Variants in POU6F1 observed in about 807,000 individuals in gnomAD.
POU6F1 encodes POU class 6 homeobox 1.
In POU6F1, 9 loss-of-function variants were observed where a neutral mutation model predicts 28.9. The ratio of observed to expected loss-of-function variants is 0.31; its 90% CI spans 0.19 to 0.54. POU6F1 has a LOEUF of 0.54. Ranked by LOEUF, POU6F1 falls within the 20% of genes least tolerant of loss-of-function variation. The pLI, the probability that POU6F1 is intolerant of heterozygous loss-of-function variation, is 0.94. For synonymous variants in POU6F1, 173 were observed against 171.1 expected (o/e 1.01, Z -0.09); for missense variants, 338 against 426.1 (o/e 0.79, Z 1.82).
At chr12:51,206,320 G>C (rs1943613270) in intron 2 of POU6F1, among the ~76,000 whole-genome samples, 1 of 151,226 alleles carries the variant, frequency 6.6e-6, no homozygotes. Flanking sequence ...CTACTCGGGA[G>C]GCTGAGGCAG....
chr12:51,190,818 C>G lies in POU6F1; in HGVS notation c.1491-226G>C, dbSNP rs1942357059. 6.6e-6 allele frequency among the ~76,000 whole-genome samples: 1 copy of G among 152,166 alleles called. No individual in the cohort carries two copies. Among genetic ancestry groups the G allele is most frequent in the Admixed American group, 6.6e-5 (1 of 15,264 alleles). On this transcript the variant is annotated intron_variant, in intron 10 of 10. Transcript: ENST00000333640. The surrounding 1 kb of genome is among the most constrained non-coding windows in gnomAD (Gnocchi z 4.5). ...CCGGTCCTAACAGGGAAACCATTCC[C>G]ACGGCCTCGGCTCAGTCAGTAGTGG... is the stretch of plus-strand genomic sequence containing the variant.
chr12:51,198,402 C>T (rs2137136489), intron 5 of POU6F1, 148 bp downstream of exon 5: 1 of 397,760 alleles, frequency 2.5e-6, no homozygotes, highest in Non-Finnish European at 4.4e-6. Context: ...AGCAGCTCTG[C>T]GGCCGGATGC....
chr12:51,196,341 C>G (rs1176722463), intron 7 of POU6F1, among the ~76,000 whole-genome samples, 168 bp from the exon 8 acceptor site: 5 of 152,230 alleles, frequency 3.3e-5, no homozygotes, highest in Non-Finnish European at 7.3e-5. Flanking sequence ...CTAAGGGCTA[C>G]TTCCTTTATT....
In POU6F1 at chr12:51,189,849, A is replaced by G. The variant is rs1942275324; in HGVS notation, c.*398T>C. The G allele has an allele frequency of 4.6e-6, 1 of 217,642 alleles. No homozygotes were observed. Among genetic ancestry groups the G allele is most frequent in the South Asian group, 8.3e-5 (1 of 12,014 alleles). The allele number at this position is 217,642 out of a possible 1,614,324, so 13.5% of individuals were successfully genotyped here. A position where few individuals can be genotyped will look rare whatever the true frequency, so the allele number is the denominator to read the frequency against. ...AGGAGCAAAGGAGAAGACAAGGTGG[A>G]AAGAGAATGCCATCAAAAGCAAGAG... On this transcript the variant is annotated 3_prime_UTR_variant, in exon 11 of 11. Coordinates refer to ENST00000333640, the MANE Select transcript of POU6F1 (RefSeq NM_001330422.2).
intron 1 of POU6F1, among the ~76,000 whole-genome samples, chr12:51,208,650 G>C (rs921075362): frequency 6.6e-6 from 1 of 152,144 alleles, no homozygotes; most frequent in Non-Finnish European, 1.5e-5. Flanking sequence ...TTAGGAATGG[G>C]ATTAGTGCCC....
At chr12:51,196,980 G>T (rs1256326424) in intron 6 of POU6F1, 53 bp from the exon 7 acceptor site, 1 of 1,066,974 alleles carries the variant, frequency 9.4e-7, no homozygotes, top group Non-Finnish European at 1.4e-6. Flanking sequence ...GAAGAACCCC[G>T]GGCAGAGGGA....
rs1265620545 is a variant in POU6F1 at position 51,197,990 on chromosome 12, G to A, written c.626C>T (p.Pro209Leu). 1.5e-5 allele frequency: 6 copies of A among 399,838 alleles called. No homozygotes were observed. The highest frequency in any genetic ancestry group is 4.1e-5 in the African/African-American group (2 of 48,622). The allele number at this position is 399,838 out of a possible 1,614,324, so 24.8% of individuals were successfully genotyped here. A position where few individuals can be genotyped will look rare whatever the true frequency, so the allele number is the denominator to read the frequency against. ...AAVLNTALPA[P>L]VQAAAPVQAS... Reference sequence around the variant, plus strand: ...CTGTACTGGTGCGGCAGCTTGTACCGGTGCCGGAAGAGCGGTGTTCAGCAC... The same window carrying A: ...CTGTACTGGTGCGGCAGCTTGTACCAGTGCCGGAAGAGCGGTGTTCAGCAC... The change falls in exon 6 of 11, where the codon CCG becomes CTG. Residue 209 changes from proline (P) to leucine (L), a missense_variant. Coordinates refer to ENST00000333640, the MANE Select transcript of POU6F1 (RefSeq NM_001330422.2).
intron 2 of POU6F1, among the ~76,000 whole-genome samples, chr12:51,204,679 T>C (rs373211292): frequency 1.3e-5 from 2 of 152,202 alleles, no homozygotes; most frequent in African/African-American, 4.8e-5. Context: ...TTGGACTCAG[T>C]GCAGGGAGCG....
chr12:51,203,669 C>T (rs1374291039), intron 3 of POU6F1, among the ~76,000 whole-genome samples: 4 of 152,062 alleles, frequency 2.6e-5, no homozygotes, highest in Non-Finnish European at 5.9e-5. Context: ...TCTTGGCCCA[C>T]CCCCACCAGT....
chr12:51,190,999 G>T lies in POU6F1; in HGVS notation c.1491-407C>A, dbSNP rs989545261. On this transcript the variant is annotated intron_variant, in intron 10 of 10. Coordinates refer to ENST00000333640, the MANE Select transcript of POU6F1 (RefSeq NM_001330422.2). This position sits in a 1 kb window ranked among gnomAD's most constrained non-coding sequence, Gnocchi z 4.5. ...GCTGCTCTTTCTGGCTGAGCTGGAT[G>T]TGGTGACAGGATTCTCCACAGGATG... Among the ~76,000 whole-genome samples, 2 of 152,214 alleles carry T rather than the reference G, an allele frequency of 1.3e-5. No individual in the cohort carries two copies. Among genetic ancestry groups the T allele is most frequent in the African/African-American group, 4.8e-5 (2 of 41,442 alleles).
At chr12:51,193,464 T>C (rs1412947551) in intron 8 of POU6F1, among the ~76,000 whole-genome samples, 1 of 152,096 alleles carries the variant, frequency 6.6e-6, no homozygotes, top group Non-Finnish European at 1.5e-5. Context: ...TAATCCCGGC[T>C]ACTGGGGAGG....
intron 8 of POU6F1, among the ~76,000 whole-genome samples, chr12:51,192,971 A>G (rs1942540771): frequency 6.6e-6 from 1 of 151,988 alleles, no homozygotes; most frequent in Non-Finnish European, 1.5e-5. Context: ...TGACTGAATT[A>G]TACTAAATAA....
At chr12:51,195,256 C>G (rs1224660679) in intron 8 of POU6F1, among the ~76,000 whole-genome samples, 3 of 152,190 alleles carry the variant, frequency 2.0e-5, no homozygotes, top group Admixed American at 2.0e-4. Flanking sequence ...GCCTTAGCCT[C>G]CTGAGTAGCT....
chr12:51,192,246 C>T (rs1367861116), intron 9 of POU6F1, 84 bp downstream of exon 9: 3 of 1,525,270 alleles, frequency 2.0e-6, no homozygotes, highest in Non-Finnish European at 2.7e-6. Flanking sequence ...CCCAGGATAT[C>T]AAGGAAAGCA....
chr12:51,196,601 T>C (rs553585726), intron 7 of POU6F1, among the ~76,000 whole-genome samples, 198 bp downstream of exon 7: 16 of 152,346 alleles, frequency 1.1e-4, no homozygotes, highest in African/African-American at 3.6e-4. Flanking sequence ...TCCCACGTAA[T>C]GTGAGCACCT....
At chr12:51,215,082 T>C (rs1272068724) in intron 1 of POU6F1, among the ~76,000 whole-genome samples, 4 of 152,144 alleles carry the variant, frequency 2.6e-5, no homozygotes, top group Non-Finnish European at 4.4e-5. Context: ...CCTAAGATAA[T>C]ATCTGGTATA....
rs1942300011 is a variant in POU6F1, at chr12:51,190,227, A to G, written c.*20T>C. On this transcript the variant is annotated 3_prime_UTR_variant, in exon 11 of 11. Transcript: ENST00000333640. This position sits in a 1 kb window ranked among gnomAD's most constrained non-coding sequence, Gnocchi z 4.5. ...CGGGAAATGGACAAAGTGCTAGAAC[A>G]CAGGGCCAGGGGCTGAGCCCTAAGG... The G allele has an allele frequency of 6.2e-7, 1 of 1,611,110 alleles. No homozygotes were observed. Among genetic ancestry groups the G allele is most frequent in the South Asian group, 1.1e-5 (1 of 90,914 alleles).
rs777659312 is a variant in POU6F1 at position 51,196,028 on chromosome 12, A to T, written c.1121T>A (p.Leu374Gln). 4 of 1,442,916 alleles carry T rather than the reference A, an allele frequency of 2.8e-6. No homozygotes were observed. The highest frequency in any genetic ancestry group is 3.7e-6 in the Non-Finnish European group (4 of 1,073,810). 89.4% of individuals were successfully genotyped at this position (1,442,916 alleles called of 1,614,324 possible). A position where few individuals can be genotyped will look rare whatever the true frequency, so the allele number is the denominator to read the frequency against. ...CTTCCGGACAGCCACAGGTGGAGGC[A>T]GGGGGCTGCTAGCCAGGGTCGCAAT... ...QVIATLASSP[L>Q]PPPVAVRKPS... Residue 374 changes from leucine to glutamine, a missense_variant, in exon 8 of 11, where the codon CTG becomes CAG. Physicochemically the swap from Leu to Gln is moderately radical, Grantham distance 113 (BLOSUM62 -2). Around this residue, in one of 3 missense-constraint regions of POU6F1, gnomAD observed 206 missense variants for 225.6 expected, o/e 0.91. Coordinates refer to ENST00000333640, the MANE Select transcript of POU6F1 (RefSeq NM_001330422.2).
chr12:51,199,624 C>T lies in POU6F1; in HGVS notation c.366+123G>A. The T allele has an allele frequency of 2.5e-6, 1 of 398,412 alleles. No homozygotes were observed. Among genetic ancestry groups the T allele is most frequent in the Admixed American group, 4.4e-5 (1 of 22,722 alleles). The allele number at this position is 398,412 out of a possible 1,614,324, so 24.7% of individuals were successfully genotyped here. On this transcript the variant is annotated intron_variant, in intron 4 of 10. Transcript: ENST00000333640. The surrounding 1 kb of genome is among the most constrained non-coding windows in gnomAD (Gnocchi z 4.1). ...CTAGTGGGAGAGTCCCTCCCTCAAG[C>T]CATAGCCCCTTCCCTGTCCTGCCCC...
Sources: gnomAD v4.1 joint callset for allele counts (sites outside exome capture counted in the v4.1 genomes callset) on GRCh38, gnomAD v4.1.1 for gene constraint, gnomAD v4.1.1 regional missense constraint, Gnocchi (gnomAD v3.1) non-coding constraint, MANE v1.5 for transcripts, NCBI Gene and HGNC (gene_info 2026-07-23, HGNC 2026-07-21) for gene names.